Variants in CTDSPL observed in about 807,000 individuals in gnomAD.
The protein encoded by CTDSPL is CTD small phosphatase-like protein.
A neutral mutation model predicts 30.5 loss-of-function variants in CTDSPL; 8 were observed. The observed-to-expected ratio is 0.26, with a 90% CI of 0.15 to 0.47. The LOEUF is 0.47. CTDSPL is among the 20% of genes least tolerant of loss of function. CTDSPL has a pLI of 0.99. For synonymous variants in CTDSPL, 110 were observed against 137.9 expected (o/e 0.80, Z 1.42); for missense variants, 248 against 366.1 (o/e 0.68, Z 2.63).
chr3:37,972,367 C>G (rs760885796), intron 6 of CTDSPL, among the ~76,000 whole-genome samples: 13 of 152,280 alleles, frequency 8.5e-5, no homozygotes, highest in Non-Finnish European at 1.6e-4. Context: ...TGGCGGGCAT[C>G]TGTAATCCCA....
intron 1 of CTDSPL, among the ~76,000 whole-genome samples, chr3:37,908,718 T>G (rs2125604679): frequency 6.6e-6 from 1 of 152,358 alleles, no homozygotes; most frequent in South Asian, 2.1e-4. Context: ...ATTACTAAAT[T>G]GCTTTCCAGA....
At chr3:37,966,469 G>A (rs886527277) in intron 4 of CTDSPL, among the ~76,000 whole-genome samples, 1 of 152,202 alleles carries the variant, frequency 6.6e-6, no homozygotes, top group African/African-American at 2.4e-5. Flanking sequence ...CTTGCTGTAA[G>A]CTGGGGAATG....
At chr3:37,960,535 T>TATATATATATATAC (rs1327299412) in intron 3 of CTDSPL, among the ~76,000 whole-genome samples, 1 of 16,288 alleles carries the variant, frequency 6.1e-5, no homozygotes, top group East Asian at 1.4e-3. Context: ...TATATATATA[T>TATATATATATATAC]ACACACACAC....
At chr3:37,885,948 G>T (rs138392826) in intron 1 of CTDSPL, among the ~76,000 whole-genome samples, 1 of 152,130 alleles carries the variant, frequency 6.6e-6, no homozygotes, top group Non-Finnish European at 1.5e-5. Context: ...CAAAAGAAGC[G>T]TAAGAACTAC....
chr3:37,884,840 C>A (rs1479561018), intron 1 of CTDSPL, among the ~76,000 whole-genome samples: 1 of 150,230 alleles, frequency 6.7e-6, no homozygotes. Context: ...TTGGTGAAAT[C>A]AGAGGTAAGA....
intron 1 of CTDSPL, among the ~76,000 whole-genome samples, chr3:37,867,991 G>A (rs951901177): frequency 3.3e-5 from 5 of 151,926 alleles, no homozygotes; most frequent in Admixed American, 6.6e-5. Context: ...TATAATATTT[G>A]TACATTTTTC....
chr3:37,887,654 C>T (rs780311769), intron 1 of CTDSPL, among the ~76,000 whole-genome samples: 3 of 152,108 alleles, frequency 2.0e-5, no homozygotes, highest in East Asian at 1.9e-4. Context: ...CAGTGTTTGG[C>T]GCATAGTAAG....
chr3:37,865,472 C>T (rs893148963), intron 1 of CTDSPL, among the ~76,000 whole-genome samples: 1 of 152,190 alleles, frequency 6.6e-6, no homozygotes, highest in African/African-American at 2.4e-5. Flanking sequence ...ACTTAATAGA[C>T]TTTTGTGAGA....
intron 1 of CTDSPL, chr3:37,911,905 A>G (rs1575294524): frequency 4.4e-5 from 13 of 297,250 alleles, no homozygotes; most frequent in Middle Eastern, 7.2e-4. Context: ...CTAAAATACA[A>G]AAATGTATTA....
In CTDSPL at chr3:37,882,062, C is replaced by T. The variant is rs775888375; in HGVS notation, c.79+19784C>T. Among the ~76,000 whole-genome samples, 134 of 152,302 alleles carry T rather than the reference C, an allele frequency of 8.8e-4. 1 individual carries two copies. The highest frequency in any genetic ancestry group is 1.3e-3 in the Non-Finnish European group (87 of 68,022). Reference sequence around the variant, plus strand: ...GTGGCTCACGCCTGTAGTCCCAACACTTTGGGAGGCAAAGGCAGGTGGATC... The same window carrying T: ...GTGGCTCACGCCTGTAGTCCCAACATTTTGGGAGGCAAAGGCAGGTGGATC... On this transcript the variant is annotated intron_variant, in intron 1 of 7. Coordinates refer to ENST00000273179, the MANE Select transcript of CTDSPL (RefSeq NM_001008392.2).
intron 5 of CTDSPL, among the ~76,000 whole-genome samples, chr3:37,969,804 C>G (rs2125632981): frequency 6.6e-6 from 1 of 152,330 alleles, no homozygotes; most frequent in African/African-American, 2.4e-5. Flanking sequence ...GCCACAAATC[C>G]ATGTCCACCT....
intron 1 of CTDSPL, among the ~76,000 whole-genome samples, chr3:37,878,931 G>A (rs1254891337): frequency 6.6e-6 from 1 of 152,196 alleles, no homozygotes. Context: ...GGGTGTCTAA[G>A]AGAATAAGGG....
intron 1 of CTDSPL, among the ~76,000 whole-genome samples, chr3:37,902,730 CCCA>C (rs1698465888): frequency 6.6e-6 from 1 of 152,098 alleles, no homozygotes; most frequent in Admixed American, 6.5e-5. Context: ...TCAGTGGCCT[CCCA>C]CTGAACAACA....
At chr3:37,919,106 C>T (rs1176196835) in intron 1 of CTDSPL, among the ~76,000 whole-genome samples, 1 of 152,106 alleles carries the variant, frequency 6.6e-6, no homozygotes, top group African/African-American at 2.4e-5. Flanking sequence ...CCAGGGCCTT[C>T]CCCCTACCCC....
At chr3:37,952,726 CAG>C (rs1491483764) in intron 2 of CTDSPL, among the ~76,000 whole-genome samples, 1 of 152,176 alleles carries the variant, frequency 6.6e-6, no homozygotes, top group East Asian at 1.9e-4. Context: ...CCAATAGCAA[CAG>C]GGGAGGAATT....
chr3:37,952,150 C>T (rs920311996), intron 2 of CTDSPL, among the ~76,000 whole-genome samples: 6 of 151,672 alleles, frequency 4.0e-5, no homozygotes, highest in African/African-American at 1.2e-4. Flanking sequence ...GCCCTCCAGC[C>T]TGGGTGCTAG....
At chr3:37,872,627 T>C (rs1464448706) in intron 1 of CTDSPL, among the ~76,000 whole-genome samples, 1 of 141,208 alleles carries the variant, frequency 7.1e-6, no homozygotes, top group Admixed American at 7.8e-5. Flanking sequence ...CAGGCTGGAG[T>C]GAAGTGGTGC....
intron 1 of CTDSPL, among the ~76,000 whole-genome samples, chr3:37,903,797 T>C (rs1390902557): frequency 2.0e-5 from 3 of 152,160 alleles, no homozygotes; most frequent in Non-Finnish European, 4.4e-5. Flanking sequence ...GCATTTCTAC[T>C]CTTCCCCAGA....
chr3:37,874,156 T>C (rs558927438), intron 1 of CTDSPL, among the ~76,000 whole-genome samples: 3 of 152,206 alleles, frequency 2.0e-5, no homozygotes, highest in Non-Finnish European at 4.4e-5. Flanking sequence ...TGGGCTACCC[T>C]GAAAGTAGGT....
Sources: allele counts gnomAD v4.1 joint callset (sites outside exome capture counted in the v4.1 genomes callset), GRCh38; gene constraint gnomAD v4.1.1; transcripts MANE v1.5; gene names NCBI Gene and HGNC (gene_info 2026-07-23, HGNC 2026-07-21).